ZNF444: variants seen among roughly 807,000 people sequenced by gnomAD.
ZNF444 encodes zinc finger protein 444.
ZNF444 carries 8 observed loss-of-function variants against 14.4 expected under a neutral mutation model. The observed-to-expected ratio is 0.56, with a 90% confidence interval of 0.33 to 1.00. The LOEUF (loss-of-function observed/expected upper bound fraction) is 1.00. ZNF444 is among the 50% of genes least tolerant of loss of function. ZNF444 has a pLI of 0.03. For missense variants in ZNF444, 510 were observed against 504.8 expected (o/e 1.01, Z -0.10); for synonymous variants, 258 against 235.9 (o/e 1.09, Z -0.86).
chr19:56,138,849 T>C (rs1180719814), upstream of ZNF444, among the ~76,000 whole-genome samples: 4 of 129,474 alleles, frequency 3.1e-5, no homozygotes, highest in African/African-American at 1.2e-4. Flanking sequence ...CGGACTGAAG[T>C]GCAGCGGTGC....
chr19:56,134,998 G>A (rs2450439), intron 1 of ZNF444, among the ~76,000 whole-genome samples: 137,042 of 151,794 alleles, frequency 0.9, 62,585 homozygotes, highest in Non-Finnish European at 0.98. Context: ...TTGGGAGGCC[G>A]AGGTGGGTGG....
chr19:56,137,058 C>T (rs1014480438), upstream of ZNF444, among the ~76,000 whole-genome samples: 4 of 149,950 alleles, frequency 2.7e-5, no homozygotes, highest in Admixed American at 6.6e-5. Flanking sequence ...GCTGGGATTA[C>T]AGGCGTGAGC....
intron 1 of ZNF444, among the ~76,000 whole-genome samples, chr19:56,133,881 G>A (rs2631628): frequency 0.93 from 140,037 of 150,546 alleles, 65,770 homozygotes; most frequent in Non-Finnish European, 0.99. Flanking sequence ...TGAGGGGGAA[G>A]TCAGATAATG....
Position 56,147,409 on chromosome 19 carries a change from G to A in ZNF444, c.297+201G>A, listed in dbSNP as rs2031265101. ...CATCCCCACACCAGCTGCAAGTCAG[G>A]AGGGCCCCAAGACCCTGGCATACTT... On this transcript the variant is annotated intron_variant, in intron 3 of 4. Transcript: ENST00000337080. This position sits in a 1 kb window ranked among gnomAD's most constrained non-coding sequence, Gnocchi z 5.9. Among the ~76,000 whole-genome samples, 1 of 152,168 alleles carries A rather than the reference G, an allele frequency of 6.6e-6. No individual in the cohort carries two copies. Among genetic ancestry groups the A allele is most frequent in the South Asian group, 2.1e-4 (1 of 4,826 alleles).
rs996350859 is a variant in ZNF444, at chr19:56,160,211, G to A, written c.*10G>A. 5 of 1,429,852 alleles carry A rather than the reference G, an allele frequency of 3.5e-6. No individual in the cohort carries two copies. The South Asian group carries it at 4.4e-5, about 13-fold the overall frequency. The allele number at this position is 1,429,852 out of a possible 1,614,324, so 88.6% of individuals were successfully genotyped here. A position where few individuals can be genotyped will look rare whatever the true frequency, so the allele number is the denominator to read the frequency against. On this transcript the variant is annotated 3_prime_UTR_variant, in exon 5 of 5. Coordinates refer to ENST00000337080, the MANE Select transcript of ZNF444 (RefSeq NM_018337.4). ...CTGGCCCTTGGGTTAGCCGCCTCCCGGCCAGCGCCATCTCCCGCCCTTGGT... is the reference window on the plus strand; with the variant it reads ...CTGGCCCTTGGGTTAGCCGCCTCCCAGCCAGCGCCATCTCCCGCCCTTGGT...
In ZNF444 at chr19:56,147,280, G is replaced by A. The variant is rs897864635; in HGVS notation, c.297+72G>A. ...CAGGGAAGCCACCAGGAAGCCCAGG[G>A]AGGAGCACCACTGAACCCCTGAAAA... On this transcript the variant is annotated intron_variant, in intron 3 of 4. Coordinates refer to ENST00000337080, the MANE Select transcript of ZNF444 (RefSeq NM_018337.4). This position sits in a 1 kb window ranked among gnomAD's most constrained non-coding sequence, Gnocchi z 5.9. 4.0e-5 allele frequency: 56 copies of A among 1,383,008 alleles called. No homozygotes were observed. The highest frequency in any genetic ancestry group is 4.8e-5 in the Non-Finnish European group (52 of 1,072,610). The allele number at this position is 1,383,008 out of a possible 1,614,324, so 85.7% of individuals were successfully genotyped here.
Position 56,160,115 on chromosome 19 carries a change from C to T in ZNF444, c.898C>T (p.His300Tyr). The T allele has an allele frequency of 6.7e-7, 1 of 1,489,080 alleles. No homozygotes were observed. The highest frequency in any genetic ancestry group is 1.3e-5 in the South Asian group (1 of 79,414). The allele number at this position is 1,489,080 out of a possible 1,614,324, so 92.2% of individuals were successfully genotyped here. ...REHVLRHQRI[H>Y]GRAAASAQGA... The stretch of plus-strand genomic sequence containing the variant: ...GCACGTGCTGCGCCACCAGCGCATC[C>T]ACGGCCGGGCAGCGGCCAGCGCGCA... Residue 300 changes from histidine (H) to tyrosine (Y), a missense_variant, in exon 5 of 5, where the codon CAC (histidine) becomes TAC (tyrosine). His to Tyr is a moderately conservative substitution (Grantham distance 83). Transcript: ENST00000337080.
At chr19:56,137,034 C>T (rs1237407229), upstream of ZNF444, among the ~76,000 whole-genome samples, 1 of 151,418 alleles carries the variant, frequency 6.6e-6, no homozygotes, top group Non-Finnish European at 1.5e-5. Context: ...CCACCTGCCT[C>T]GGCCTCCCAA....
At chr19:56,158,754 T>TG (rs1568564912) in intron 4 of ZNF444, 152 bp downstream of exon 4, 1 of 643,408 alleles carries the variant, frequency 1.6e-6, no homozygotes, top group East Asian at 3.1e-5. Context: ...GGGCGGGCAT[T>TG]GGGGGTATGG....
intron 3 of ZNF444, chr19:56,155,811 C>T (rs2031872175): frequency 6.6e-6 from 1 of 152,200 alleles, no homozygotes; most frequent in Admixed American, 6.5e-5. Context: ...GGGGGTGTCC[C>T]CTCACATACC....
intron 3 of ZNF444, chr19:56,151,698 T>A (rs781738431): frequency 1.3e-5 from 6 of 445,652 alleles, no homozygotes; most frequent in South Asian, 7.8e-5. Flanking sequence ...GCATTGGGGT[T>A]TCTTGGCATC....
At chr19:56,136,413 C>T (rs1402745536), upstream of ZNF444, among the ~76,000 whole-genome samples, 1 of 152,184 alleles carries the variant, frequency 6.6e-6, no homozygotes, top group Non-Finnish European at 1.5e-5. Context: ...TGAACAAATG[C>T]TGAGCAGACA....
chr19:56,151,837 G>T (rs1220288189), intron 3 of ZNF444: 1 of 429,796 alleles, frequency 2.3e-6, no homozygotes, highest in Non-Finnish European at 4.7e-6. Flanking sequence ...TTGGCATCTG[G>T]TGTGTGGAAA....
chr19:56,141,908 T>G (rs1322468380), intron 1 of ZNF444: 1 of 152,060 alleles, frequency 6.6e-6, no homozygotes, highest in Non-Finnish European at 1.5e-5. Context: ...AGTTGTGAGA[T>G]TCCTGAAGAT....
chr19:56,147,249 A>G lies in ZNF444; in HGVS notation c.297+41A>G. On this transcript the variant is annotated intron_variant, in intron 3 of 4. Coordinates refer to ENST00000337080, the MANE Select transcript of ZNF444 (RefSeq NM_018337.4). The surrounding 1 kb of genome is among the most constrained non-coding windows in gnomAD (Gnocchi z 5.9). ...CTGCAAGCGGGGAAGGGAGAGGGGA[A>G]GGTGCCAGGGAAGCCACCAGGAAGC... 7.2e-7 allele frequency: 1 copy of G among 1,398,396 alleles called. No individual in the cohort carries two copies. The highest frequency in any genetic ancestry group is 9.2e-7 in the Non-Finnish European group (1 of 1,082,308). 86.6% of individuals were successfully genotyped at this position (1,398,396 alleles called of 1,614,324 possible). A position where few individuals can be genotyped will look rare whatever the true frequency, so the allele number is the denominator to read the frequency against.
At position 56,146,917 on chromosome 19, in the gene ZNF444, G is replaced by A; in HGVS notation, c.6G>A (p.Glu2=). The stretch of plus-strand genomic sequence containing the variant: ...GCTGCGGTCCGGGAGGCCCCATGGA[G>A]GTGGCGGTGCCCGTGAAGCAGGAGG... M[E]VAVPVKQEAE... Residue 2 remains glutamate (E), a synonymous_variant, in exon 3 of 5, where the codon GAG becomes GAA. Transcript: ENST00000337080. 7.0e-7 allele frequency: 1 copy of A among 1,430,290 alleles called. No individual in the cohort carries two copies. Among genetic ancestry groups the A allele is most frequent in the South Asian group, 1.5e-5 (1 of 67,252 alleles). 88.6% of individuals were successfully genotyped at this position (1,430,290 alleles called of 1,614,324 possible).
chr19:56,160,017 G>C lies in ZNF444; in HGVS notation c.800G>C (p.Arg267Pro). The stretch of plus-strand genomic sequence containing the variant: ...TTCTACTGGCGCGAGCACCTGGTGC[G>C]CCACCGCAAGACGCACTCGGGAGCG... Reference protein sequence around the residue: ...KTFYWREHLVRHRKTHSGARP... With the variant: ...KTFYWREHLVPHRKTHSGARP... The change falls in exon 5 of 5, where the codon CGC becomes CCC. Residue 267 changes from arginine to proline, a missense_variant. Transcript: ENST00000337080. 1 of 1,512,552 alleles carries C rather than the reference G, an allele frequency of 6.6e-7. No individual in the cohort carries two copies. Among genetic ancestry groups the C allele is most frequent in the Non-Finnish European group, 8.8e-7 (1 of 1,136,118 alleles). 93.7% of individuals were successfully genotyped at this position (1,512,552 alleles called of 1,614,324 possible).
chr19:56,136,081 CAAAAAAAA>C (rs1199112916), intron 1 of ZNF444, among the ~76,000 whole-genome samples: 32 of 59,472 alleles, frequency 5.4e-4, no homozygotes, highest in Admixed American at 6.9e-4. Context: ...GATTCCGTCT[CAAAAAAAA>C]AAAAAAAAAA....
rs7255998 is a variant in ZNF444, at chr19:56,145,644, A to C, written c.-196-603A>C. ...AGAGCTCGCTGCCTCTCTCTATTCT[A>C]CGCCATGGGAGGACACAAAAGGAGG... is the stretch of plus-strand genomic sequence containing the variant. On this transcript the variant is annotated intron_variant, in intron 1 of 4. Coordinates refer to ENST00000337080, the MANE Select transcript of ZNF444 (RefSeq NM_018337.4). The surrounding 1 kb of genome is among the most constrained non-coding windows in gnomAD (Gnocchi z 4.3). Among the ~76,000 whole-genome samples, 27,427 of 151,972 alleles carry C rather than the reference A, an allele frequency of 0.18. 4,283 individuals carry two copies. The highest frequency in any genetic ancestry group is 0.42 in the African/African-American group (17,558 of 41,412).
Sources: gnomAD v4.1 joint callset for allele counts (sites outside exome capture counted in the v4.1 genomes callset) on GRCh38, gnomAD v4.1.1 for gene constraint, Gnocchi (gnomAD v3.1) non-coding constraint, MANE v1.5 for transcripts, NCBI Gene and HGNC (gene_info 2026-07-23, HGNC 2026-07-21) for gene names.